PDSS2: variants seen among roughly 807,000 people sequenced by gnomAD.
PDSS2 encodes all trans-polyprenyl-diphosphate synthase PDSS2.
In PDSS2, 31 loss-of-function variants were observed where a neutral mutation model predicts 44.5. The observed-to-expected ratio is 0.70, with a 90% CI of 0.52 to 0.94. The LOEUF is 0.94. PDSS2 is among the 40% of genes least tolerant of loss of function. The probability of loss-of-function intolerance (pLI) is 0.00; values close to 1 mark genes in which losing one functional copy is unlikely to be tolerated. For missense variants in PDSS2, 452 were observed against 482.2 expected, an observed-to-expected ratio of 0.94 and a Z score of 0.59; for synonymous variants, 157 against 180.3, an observed-to-expected ratio of 0.87 and a Z score of 1.03.
At chr6:107,379,954 T>A (rs988823210) in intron 1 of PDSS2, among the ~76,000 whole-genome samples, 1 of 152,080 alleles carries the variant, frequency 6.6e-6, no homozygotes, top group African/African-American at 2.4e-5. Flanking sequence ...TTCTCTATTA[T>A]CAGTTTTTTT....
At chr6:107,203,317 G>A (rs1772854866) in intron 6 of PDSS2, among the ~76,000 whole-genome samples, 1 of 152,146 alleles carries the variant, frequency 6.6e-6, no homozygotes, top group Non-Finnish European at 1.5e-5. Flanking sequence ...ACACCTGTCA[G>A]CCTCTCCCTA....
intron 1 of PDSS2, among the ~76,000 whole-genome samples, chr6:107,399,169 C>T (rs1208989452): frequency 6.6e-6 from 1 of 152,202 alleles, no homozygotes; most frequent in Non-Finnish European, 1.5e-5. Context: ...CTAAGTCACA[C>T]AGCTGGCTAG....
chr6:107,284,695 TAA>T (rs1428269854), intron 2 of PDSS2, among the ~76,000 whole-genome samples: 5 of 152,044 alleles, frequency 3.3e-5, no homozygotes, highest in African/African-American at 1.2e-4. Flanking sequence ...TAACCATAGT[TAA>T]CCTTGTTTTA....
intron 1 of PDSS2, among the ~76,000 whole-genome samples, chr6:107,353,496 G>A (rs1366205386): frequency 6.6e-6 from 1 of 152,052 alleles, no homozygotes; most frequent in African/African-American, 2.4e-5. Flanking sequence ...TAATATGACA[G>A]CAATAACTAA....
chr6:107,453,087 TGA>T (rs1255009253), intron 1 of PDSS2, among the ~76,000 whole-genome samples: 1 of 151,978 alleles, frequency 6.6e-6, no homozygotes, highest in African/African-American at 2.4e-5. Context: ...CTTTTTTTTT[TGA>T]GACTGAGTCT....
At chr6:107,439,078 T>A (rs1289449529) in intron 1 of PDSS2, among the ~76,000 whole-genome samples, 1 of 152,200 alleles carries the variant, frequency 6.6e-6, no homozygotes, top group Non-Finnish European at 1.5e-5. Context: ...AGTGAAATGT[T>A]ATTATGAGAC....
chr6:107,158,523 A>G (rs17068005), intron 7 of PDSS2, among the ~76,000 whole-genome samples: 1,801 of 152,134 alleles, frequency 0.012, 36 homozygotes, highest in African/African-American at 0.042. Context: ...AGTGGCACTT[A>G]ATACTAAACT....
chr6:107,374,278 A>G (rs1779215836), intron 1 of PDSS2, among the ~76,000 whole-genome samples: 1 of 144,492 alleles, frequency 6.9e-6, no homozygotes, highest in Non-Finnish European at 1.5e-5. Flanking sequence ...AAAAAAAATC[A>G]CCAATGAAAG....
intron 1 of PDSS2, among the ~76,000 whole-genome samples, chr6:107,452,887 G>A (rs938228826): frequency 6.6e-6 from 1 of 151,298 alleles, no homozygotes; most frequent in Non-Finnish European, 1.5e-5. Flanking sequence ...GGCTGGTATC[G>A]AACTCCTGAC....
At position 107,427,473 on chromosome 6, in the gene PDSS2, C is replaced by A. The variant is rs186918559; in HGVS notation, c.296+31517G>T. The stretch of plus-strand genomic sequence containing the variant: ...AATCTGCACTCATGATTTGAGAGAG[C>A]CTTTATGAAATCAAACATATTTTTA... On this transcript the variant is annotated intron_variant, in intron 1 of 7. Transcript: ENST00000369037. 9.9e-5 allele frequency among the ~76,000 whole-genome samples: 15 copies of A among 152,226 alleles called. No individual in the cohort carries two copies. The South Asian group carries it at 2.7e-3, about 27-fold the overall frequency.
At chr6:107,241,925 G>A (rs1029519428) in intron 4 of PDSS2, among the ~76,000 whole-genome samples, 1 of 152,156 alleles carries the variant, frequency 6.6e-6, no homozygotes, top group African/African-American at 2.4e-5. Context: ...CGGAGGTTGT[G>A]CAACAGAGAT....
At chr6:107,250,043 A>AT (rs998063487) in intron 3 of PDSS2, among the ~76,000 whole-genome samples, 1 of 152,118 alleles carries the variant, frequency 6.6e-6, no homozygotes, top group Non-Finnish European at 1.5e-5. Context: ...CAATTCAATG[A>AT]TTTTTTACAC....
intron 7 of PDSS2, among the ~76,000 whole-genome samples, chr6:107,176,429 TACAC>T (rs71012784): frequency 0.023 from 3,498 of 149,776 alleles, 132 homozygotes; most frequent in African/African-American, 0.08. Context: ...CACACACACA[TACAC>T]ACACACACAC....
At chr6:107,226,950 C>T (rs1261712373) in intron 4 of PDSS2, among the ~76,000 whole-genome samples, 1 of 150,646 alleles carries the variant, frequency 6.6e-6, no homozygotes, top group African/African-American at 2.4e-5. Flanking sequence ...GGATTACAGG[C>T]TTGAGCCACC....
chr6:107,239,286 C>CA (rs1478574398), intron 4 of PDSS2, among the ~76,000 whole-genome samples: 1 of 151,998 alleles, frequency 6.6e-6, no homozygotes, highest in Admixed American at 6.6e-5. Context: ...CAAAAAAAAC[C>CA]AAAAACCAAA....
chr6:107,334,378 A>G, intron 1 of PDSS2, 46 bp from the exon 2 acceptor site: 2 of 1,578,178 alleles, frequency 1.3e-6, no homozygotes, highest in Non-Finnish European at 1.7e-6. Flanking sequence ...CCCTCACGAG[A>G]TCATCAGATA....
intron 3 of PDSS2, among the ~76,000 whole-genome samples, chr6:107,254,023 C>T (rs1362320203): frequency 1.3e-5 from 2 of 148,406 alleles, no homozygotes; most frequent in Non-Finnish European, 3.0e-5. Flanking sequence ...TTTTCTTTTT[C>T]TTTCTTTCTT....
intron 2 of PDSS2, among the ~76,000 whole-genome samples, chr6:107,307,197 A>G (rs895576353): frequency 6.6e-6 from 1 of 152,218 alleles, no homozygotes; most frequent in African/African-American, 2.4e-5. Context: ...CTACAACCTC[A>G]TATTTTCTGA....
At chr6:107,427,671 T>G (rs2114733738) in intron 1 of PDSS2, among the ~76,000 whole-genome samples, 1 of 152,286 alleles carries the variant, frequency 6.6e-6, no homozygotes, top group East Asian at 1.9e-4. Context: ...ATGAGAACTC[T>G]CCCTATTGTT....
Sources: allele counts gnomAD v4.1 joint callset (sites outside exome capture counted in the v4.1 genomes callset), GRCh38; gene constraint gnomAD v4.1.1; transcripts MANE v1.5; gene names NCBI Gene and HGNC (gene_info 2026-07-23, HGNC 2026-07-21).